Variants in CBLIF observed in about 807,000 individuals in gnomAD.
CBLIF encodes the protein cobalamin binding intrinsic factor.
CBLIF carries 24 observed loss-of-function variants against 44.9 expected under a neutral mutation model. The observed-to-expected ratio is 0.53, with a 90% CI of 0.39 to 0.75. The LOEUF (loss-of-function observed/expected upper bound fraction) is 0.75, where lower values mean the gene tolerates loss of function less well. Ranked by LOEUF, CBLIF falls within the 30% of genes least tolerant of loss-of-function variation. The pLI is 0.00. For missense variants in CBLIF, 481 were observed against 513.0 expected (o/e 0.94, Z 0.60); for synonymous variants, 183 against 190.9 (o/e 0.96, Z 0.34).
At chr11:59,834,404 T>G (rs1451322735) in intron 7 of CBLIF, among the ~76,000 whole-genome samples, 4 of 146,002 alleles carry the variant, frequency 2.7e-5, no homozygotes, top group Non-Finnish European at 6.0e-5. Flanking sequence ...TGTTTTTTTT[T>G]TTTTTGAGAC....
chr11:59,842,345 C>T, intron 4 of CBLIF, 98 bp downstream of exon 4: 2 of 1,335,608 alleles, frequency 1.5e-6, no homozygotes, highest in Admixed American at 1.7e-5. Context: ...AGCTCCTCCT[C>T]CATGGGACGC....
chr11:59,833,968 C>T (rs1866408568), intron 7 of CBLIF, among the ~76,000 whole-genome samples: 1 of 152,208 alleles, frequency 6.6e-6, no homozygotes, highest in Non-Finnish European at 1.5e-5. Flanking sequence ...CTGGGTTCCA[C>T]TCTCAACTCT....
chr11:59,840,537 C>T (rs567077441), intron 5 of CBLIF, among the ~76,000 whole-genome samples: 1 of 152,304 alleles, frequency 6.6e-6, no homozygotes, highest in Admixed American at 6.5e-5. Flanking sequence ...ATACCAAACA[C>T]ATCTTACAGA....
rs997608870 is a variant in CBLIF, at chr11:59,844,206, C to T, written c.80-151G>A. 13 of 684,162 alleles carry T rather than the reference C, an allele frequency of 1.9e-5. 1 individual carries two copies. Among genetic ancestry groups the T allele is most frequent in the East Asian group, 1.2e-4 (4 of 33,870 alleles). The allele number at this position is 684,162 out of a possible 1,614,324, so 42.4% of individuals were successfully genotyped here. ...AGGCTAGAGTGCAATGGCACGATCT[C>T]GGCTCACTGCAAACTCTGCCTCCCA... On this transcript the variant is annotated intron_variant, in intron 1 of 8. Transcript: ENST00000257248.
intron 5 of CBLIF, 114 bp from the exon 6 acceptor site, chr11:59,837,465 C>G (rs1330418427): frequency 1.2e-6 from 1 of 813,574 alleles, no homozygotes; most frequent in East Asian, 2.6e-5. Flanking sequence ...ACGTAGTCAC[C>G]CAGAATGCAA....
At chr11:59,835,033 A>T (rs1432815622) in intron 7 of CBLIF, among the ~76,000 whole-genome samples, 1 of 152,076 alleles carries the variant, frequency 6.6e-6, no homozygotes, top group Non-Finnish European at 1.5e-5. Context: ...TGAACCTGGT[A>T]TTTCAAGACT....
At chr11:59,843,250 A>G in intron 2 of CBLIF, 109 bp from the exon 3 acceptor site, 2 of 720,732 alleles carry the variant, frequency 2.8e-6, no homozygotes, top group Admixed American at 2.0e-5. Flanking sequence ...TGACTTTTTA[A>G]TAATATGAGC....
At chr11:59,833,144 A>G (rs1417255709) in intron 7 of CBLIF, among the ~76,000 whole-genome samples, 1 of 152,228 alleles carries the variant, frequency 6.6e-6, no homozygotes, top group Non-Finnish European at 1.5e-5. Flanking sequence ...TACATTTATA[A>G]TCAGAAAAAG....
At position 59,842,467 on chromosome 11, in the gene CBLIF, C is replaced by G. The variant is rs1417558852; in HGVS notation, c.487G>C (p.Ala163Pro). 6.2e-7 allele frequency: 1 copy of G among 1,613,710 alleles called. No individual in the cohort carries two copies. Residue 163 changes from alanine to proline, a missense_variant, in exon 4 of 9, where the codon GCC becomes CCC. Coordinates refer to ENST00000257248, the MANE Select transcript of CBLIF (RefSeq NM_005142.3). ...CCTACATTGAAGGGAGAGGAGTTGG[C>G]CAGCAGGGTCTTGGCAAAGCGGACG... is the stretch of plus-strand genomic sequence containing the variant. The part of the protein sequence containing the change: ...IAVRFAKTLL[A>P]NSSPFNVDTG...
chr11:59,832,528 C>G (rs1432608815), intron 7 of CBLIF, among the ~76,000 whole-genome samples: 2 of 152,258 alleles, frequency 1.3e-5, no homozygotes, highest in East Asian at 1.9e-4. Flanking sequence ...CGGCTCATGC[C>G]TGCAATCCCA....
Position 59,837,211 on chromosome 11 carries a change from C to T in CBLIF, c.834G>A (p.Lys278=). 6.2e-7 allele frequency: 1 copy of T among 1,614,110 alleles called. No individual in the cohort carries two copies. Reference sequence around the variant, plus strand: ...TGACCTGGGGCACATCTAGGTATGTCTTGCCTTTCAGGGAAGGGAGGATTT... The same window carrying T: ...TGACCTGGGGCACATCTAGGTATGTTTTGCCTTTCAGGGAAGGGAGGATTT... ...IAQILPSLKG[K]TYLDVPQVTC... is the part of the protein sequence containing the mutation. The change falls in exon 6 of 9, where the codon AAG becomes AAA. Residue 278 remains lysine (K), a synonymous_variant. Coordinates refer to ENST00000257248, the MANE Select transcript of CBLIF (RefSeq NM_005142.3).
intron 5 of CBLIF, among the ~76,000 whole-genome samples, chr11:59,838,519 G>A (rs1270494895): frequency 6.6e-6 from 1 of 152,088 alleles, no homozygotes; most frequent in Admixed American, 6.5e-5. Flanking sequence ...AGTCAGAAAC[G>A]GCTGTCTCAG....
rs186505815 is a variant in CBLIF, at chr11:59,833,290, G to C, written c.1074-1494C>G. Among the ~76,000 whole-genome samples, 626 of 152,260 alleles carry C rather than the reference G, an allele frequency of 4.1e-3. 2 individuals carry two copies. The highest frequency in any genetic ancestry group is 0.014 in the African/African-American group (579 of 41,530). ...CCAGCACTTTGGGAGGCTGAGGTGG[G>C]TGGATCACCTGAGGTCTGGAGTTCA... On this transcript the variant is annotated intron_variant, in intron 7 of 8. Transcript: ENST00000257248.
chr11:59,837,080 A>G lies in CBLIF; in HGVS notation c.871+94T>C. ...TACTCTGCCCACATGGGAATAATGG[A>G]CATTACAAGCCTATATGCCACTTAA... On this transcript the variant is annotated intron_variant, in intron 6 of 8. Transcript: ENST00000257248. 3.1e-6 allele frequency: 3 copies of G among 957,400 alleles called. No homozygotes were observed. The South Asian group carries it at 3.9e-5, about 12-fold the overall frequency. The allele number at this position is 957,400 out of a possible 1,614,324, so 59.3% of individuals were successfully genotyped here.
intron 8 of CBLIF, among the ~76,000 whole-genome samples, chr11:59,831,356 C>T (rs964975417): frequency 2.6e-5 from 4 of 151,944 alleles, no homozygotes. Flanking sequence ...TTTGATTATC[C>T]ACTTTTACAT....
intron 7 of CBLIF, 125 bp downstream of exon 7, chr11:59,835,683 T>C (rs1866445499): frequency 1.3e-6 from 1 of 773,368 alleles, no homozygotes; most frequent in Non-Finnish European, 2.3e-6. Context: ...GATTGAAAGC[T>C]GCTCAAGCGC....
At position 59,842,487 on chromosome 11, in the gene CBLIF, C is replaced by CG. The variant is rs1194595836; in HGVS notation, c.466dup (p.Arg156ProfsTer62). The CG allele has an allele frequency of 1.2e-6, 2 of 1,613,742 alleles. No individual in the cohort carries two copies. Among genetic ancestry groups the CG allele is most frequent in the Non-Finnish European group, 1.7e-6 (2 of 1,180,032 alleles). On this transcript the variant is annotated frameshift_variant, in exon 4 of 9. Transcript: ENST00000257248. LOFTEE classifies it high-confidence loss of function. ...GTTGGCCAGCAGGGTCTTGGCAAAG[C>CG]GGACGGCTATCGGCAAGGTCGCCTC...
chr11:59,834,311 TCTTCCTTC>T (rs1214089354), intron 7 of CBLIF, among the ~76,000 whole-genome samples: 35 of 35,570 alleles, frequency 9.8e-4, no homozygotes, highest in African/African-American at 3.9e-3. Context: ...TTTCTTTCTT[TCTTCCTTC>T]CTTCCTTCCT....
At chr11:59,841,953 A>G (rs778402599) in intron 4 of CBLIF, among the ~76,000 whole-genome samples, 1 of 152,174 alleles carries the variant, frequency 6.6e-6, no homozygotes, top group Admixed American at 6.5e-5. Context: ...ACAAAGACGC[A>G]AGGTGGTCCC....
Sources: allele counts gnomAD v4.1 joint callset (sites outside exome capture counted in the v4.1 genomes callset), GRCh38; gene constraint gnomAD v4.1.1; transcripts MANE v1.5; gene names NCBI Gene and HGNC (gene_info 2026-07-23, HGNC 2026-07-21).